The following FOXP1 variants were observed in gnomAD, a reference collection of about 807,000 sequenced individuals.
The protein encoded by FOXP1 is forkhead box P1.
A neutral mutation model predicts 98.2 loss-of-function variants in FOXP1; 15 were observed. That is an observed-to-expected ratio of 0.15 (90% CI 0.10 to 0.24). FOXP1 has a LOEUF of 0.24. Ranked by LOEUF, FOXP1 falls within the 10% of genes least tolerant of loss-of-function variation. The pLI, the probability that FOXP1 is intolerant of heterozygous loss-of-function variation, is 1.00. For synonymous variants in FOXP1, 371 were observed against 314.5 expected, an observed-to-expected ratio of 1.18 and a Z score of -1.90; for missense variants, 633 against 848.5, an observed-to-expected ratio of 0.75 and a Z score of 3.15.
At chr3:71,417,775 A>C (rs2083324499) in intron 3 of FOXP1, among the ~76,000 whole-genome samples, 1 of 152,126 alleles carries the variant, frequency 6.6e-6, no homozygotes, top group Admixed American at 6.5e-5. Context: ...GACAGAGCTG[A>C]GGCTGTTGGG....
At chr3:71,338,087 C>T (rs555085993) in intron 4 of FOXP1, among the ~76,000 whole-genome samples, 190 of 152,238 alleles carry the variant, frequency 1.2e-3, no homozygotes, top group Non-Finnish European at 1.9e-3. Flanking sequence ...AAAATGAAAG[C>T]ATGGCTTATG....
intron 7 of FOXP1, among the ~76,000 whole-genome samples, chr3:71,069,839 C>G (rs2053004097): frequency 6.6e-6 from 1 of 152,158 alleles, no homozygotes; most frequent in South Asian, 2.1e-4. Flanking sequence ...CGCTGAATAT[C>G]AGATAAAGGC....
intron 6 of FOXP1, among the ~76,000 whole-genome samples, chr3:71,119,462 C>A (rs1354852356): frequency 6.6e-6 from 1 of 152,008 alleles, no homozygotes; most frequent in African/African-American, 2.4e-5. Context: ...ATTTCATGGA[C>A]TAATCAACAG....
At position 70,978,047 on chromosome 3, in the gene FOXP1, A is replaced by ATGT. The variant is rs775442016; in HGVS notation, c.1147-19_1147-18insACA. Reference sequence around the variant, plus strand: ...AGATTCAACTGCAAGGAAAAAAACAACGTCTTAGAAGACCTTCAGAAAACC... The same window carrying ATGT: ...AGATTCAACTGCAAGGAAAAAAACAATGTCGTCTTAGAAGACCTTCAGAAAACC... On this transcript the variant is annotated intron_variant, in intron 14 of 20. Coordinates refer to ENST00000649528, the MANE Select transcript of FOXP1 (RefSeq NM_001349338.3). 3 of 1,611,516 alleles carry ATGT rather than the reference A, an allele frequency of 1.9e-6. No individual in the cohort carries two copies. In the African/African-American group the frequency reaches 4.0e-5, roughly 22 times the overall value.
chr3:71,514,454 C>A (rs991726759), intron 2 of FOXP1, among the ~76,000 whole-genome samples: 9 of 152,184 alleles, frequency 5.9e-5, no homozygotes, highest in Non-Finnish European at 1.2e-4. Flanking sequence ...CTGTCTGCAT[C>A]CTTTCTCTCC....
At chr3:70,996,789 G>C (rs2041429309) in intron 13 of FOXP1, among the ~76,000 whole-genome samples, 1 of 152,094 alleles carries the variant, frequency 6.6e-6, no homozygotes, top group South Asian at 2.1e-4. Context: ...GAGCTTACTG[G>C]GTTTGCTTTT....
intron 3 of FOXP1, among the ~76,000 whole-genome samples, chr3:71,461,698 GGCTGAGGCA>G (rs1173773674): frequency 2.6e-5 from 4 of 152,136 alleles, no homozygotes; most frequent in African/African-American, 2.4e-5. Context: ...CTACTCAGGA[GGCTGAGGCA>G]GAGAACTGCT....
At chr3:71,379,569 C>T (rs563838902) in intron 3 of FOXP1, among the ~76,000 whole-genome samples, 1 of 150,294 alleles carries the variant, frequency 6.7e-6, no homozygotes, top group African/African-American at 2.5e-5. Context: ...ATACAGCCCA[C>T]GAGCTAAGAA....
chr3:71,166,590 A>ATC (rs1438197772), intron 6 of FOXP1, among the ~76,000 whole-genome samples: 1 of 152,174 alleles, frequency 6.6e-6, no homozygotes, highest in Non-Finnish European at 1.5e-5. Flanking sequence ...GCTTGAGACC[A>ATC]CTACTGGCCT....
At chr3:71,454,314 C>G (rs1332444354) in intron 3 of FOXP1, among the ~76,000 whole-genome samples, 1 of 152,078 alleles carries the variant, frequency 6.6e-6, no homozygotes, top group African/African-American at 2.4e-5. Flanking sequence ...TCCACATACA[C>G]GAGGCACATC....
chr3:70,991,838 C>T (rs747058547), intron 13 of FOXP1, among the ~76,000 whole-genome samples: 2 of 152,118 alleles, frequency 1.3e-5, no homozygotes, highest in Non-Finnish European at 2.9e-5. Flanking sequence ...AGACTAGGGT[C>T]CCAGTTGTAT....
intron 7 of FOXP1, among the ~76,000 whole-genome samples, chr3:71,077,032 T>C (rs2053868560): frequency 6.6e-6 from 1 of 152,246 alleles, no homozygotes; most frequent in Admixed American, 6.5e-5. Flanking sequence ...ATGGGTTAGA[T>C]ATTTCAGTCA....
At chr3:71,291,669 T>C (rs1290353049) in intron 5 of FOXP1, among the ~76,000 whole-genome samples, 1 of 152,024 alleles carries the variant, frequency 6.6e-6, no homozygotes, top group Non-Finnish European at 1.5e-5. Context: ...ACATGTGACA[T>C]ATTCTGATTT....
chr3:71,494,777 G>T (rs1054739558), intron 2 of FOXP1, among the ~76,000 whole-genome samples: 5 of 152,142 alleles, frequency 3.3e-5, no homozygotes, highest in Admixed American at 3.3e-4. Flanking sequence ...ACCAGGAGAT[G>T]CTGATACTAC....
chr3:70,970,725 G>A lies in FOXP1; in HGVS notation c.1722+11C>T, dbSNP rs1281676015. 2.9e-5 allele frequency: 47 copies of A among 1,609,888 alleles called. No individual in the cohort carries two copies. Among genetic ancestry groups the A allele is most frequent in the Admixed American group, 6.7e-5 (4 of 59,994 alleles). On this transcript the variant is annotated intron_variant, in intron 19 of 20. Transcript: ENST00000649528. The stretch of plus-strand genomic sequence containing the variant: ...CCTCTGCTGCATATTCGGGACGGCC[G>A]TTAATCTTACCTGTAAAGCTGCATT...
At chr3:71,389,475 C>T (rs1333277869) in intron 3 of FOXP1, among the ~76,000 whole-genome samples, 4 of 151,944 alleles carry the variant, frequency 2.6e-5, no homozygotes, top group Middle Eastern at 3.4e-3. Flanking sequence ...ATGAACACAA[C>T]GACGTGTACA....
At chr3:71,309,392 A>T (rs1482205056) in intron 4 of FOXP1, among the ~76,000 whole-genome samples, 4 of 147,698 alleles carry the variant, frequency 2.7e-5, no homozygotes, top group Non-Finnish European at 3.0e-5. Flanking sequence ...TTATAACGTA[A>T]TTTTTTTTTT....
chr3:71,378,999 T>G (rs938320182), intron 3 of FOXP1, among the ~76,000 whole-genome samples: 1 of 152,092 alleles, frequency 6.6e-6, no homozygotes, highest in African/African-American at 2.4e-5. Flanking sequence ...TTGGCTAACT[T>G]CTGGTCTCAG....
At chr3:70,963,053 A>C (rs1395833224) in intron 20 of FOXP1, among the ~76,000 whole-genome samples, 2 of 152,256 alleles carry the variant, frequency 1.3e-5, no homozygotes. Context: ...TATCAATTTT[A>C]AAAGCTGTAG....
Sources: gnomAD v4.1 joint callset for allele counts (sites outside exome capture counted in the v4.1 genomes callset) on GRCh38, gnomAD v4.1.1 for gene constraint, MANE v1.5 for transcripts, NCBI Gene and HGNC (gene_info 2026-07-23, HGNC 2026-07-21) for gene names.